Variants in RP1 observed in about 807,000 individuals in gnomAD.
The protein encoded by RP1 is RP1 axonemal microtubule associated.
A neutral mutation model predicts 14.8 loss-of-function variants in RP1; 16 were observed. The ratio of observed to expected loss-of-function variants is 1.08; its 90% CI spans 0.73 to 1.65. The LOEUF is 1.65. Among genes scored for constraint, RP1 ranks in the 40% most tolerant of loss-of-function variants. RP1 has a pLI of 0.00. For synonymous variants in RP1, 876 were observed against 883.6 expected, an observed-to-expected ratio of 0.99 and a Z score of 0.15; for missense variants, 2,631 against 2,535.0, an observed-to-expected ratio of 1.04 and a Z score of -0.81.
intron 16 of RP1, among the ~76,000 whole-genome samples, chr8:54,725,419 T>C (rs1808630686): frequency 6.6e-6 from 1 of 152,166 alleles, no homozygotes; most frequent in East Asian, 1.9e-4. Context: ...TGAAATGATA[T>C]CTTATAACAC....
In RP1 at chr8:54,776,771, C is replaced by T. The variant is rs554738032; in HGVS notation, c.3451+6604C>T. On this transcript the variant is annotated intron_variant, in intron 23 of 28. Transcript: ENST00000637698. ...CAGGTTGAAAATGATCACAGGGAAC[C>T]TAGGGCACCTGGAAAGAATTTGATA... 5.1e-4 allele frequency among the ~76,000 whole-genome samples: 78 copies of T among 152,250 alleles called. 3 individuals are homozygous for T. In the South Asian group the frequency reaches 0.016, roughly 31 times the overall value.
In RP1 at chr8:54,629,484, A is replaced by G. The variant is rs1806186571; in HGVS notation, c.5602A>G (p.Thr1868Ala). 1 of 1,613,994 alleles carries G rather than the reference A, an allele frequency of 6.2e-7. No individual in the cohort carries two copies. Among genetic ancestry groups the G allele is most frequent in the African/African-American group, 1.3e-5 (1 of 74,908 alleles). Residue 1868 changes from threonine to alanine, a missense_variant, in exon 4 of 4, where the codon ACT (threonine) becomes GCT (alanine). Transcript: ENST00000220676. ...GTCAGAAAGAGTATGCACATCTGTC[A>G]CTCATTCCTTTATTTCTGCTGGTAA... is the stretch of plus-strand genomic sequence containing the variant. ...HQSERVCTSV[T>A]HSFISAGNKV...
chr8:54,676,662 T>C (rs1269720531), intron 8 of RP1, among the ~76,000 whole-genome samples: 2 of 152,214 alleles, frequency 1.3e-5, no homozygotes, highest in African/African-American at 4.8e-5. Flanking sequence ...GAACCCATCT[T>C]TTCTAGTTTT....
At chr8:54,748,384 T>A (rs1809279579) in intron 19 of RP1, among the ~76,000 whole-genome samples, 1 of 152,194 alleles carries the variant, frequency 6.6e-6, no homozygotes, top group Non-Finnish European at 1.5e-5. Flanking sequence ...AGGCAAATGT[T>A]TAATCTCAAA....
chr8:54,783,044 T>C (rs1461930093), intron 23 of RP1, among the ~76,000 whole-genome samples: 1 of 152,178 alleles, frequency 6.6e-6, no homozygotes, highest in Non-Finnish European at 1.5e-5. Flanking sequence ...TCCAGCAATT[T>C]TTCATGAGAA....
intron 12 of RP1, among the ~76,000 whole-genome samples, chr8:54,680,363 A>T (rs1031417519): frequency 1.3e-5 from 2 of 152,202 alleles, no homozygotes; most frequent in Non-Finnish European, 2.9e-5. Flanking sequence ...ACTAGATTTG[A>T]TGTGTAATAT....
At position 54,629,107 on chromosome 8, in the gene RP1, A is replaced by T. The variant is rs1563332977; in HGVS notation, c.5225A>T (p.Asp1742Val). Residue 1742 changes from aspartate (D) to valine (V), a missense_variant, in exon 4 of 4, where the codon GAC (aspartate) becomes GTC (valine). Asp to Val is a radical substitution (Grantham distance 152). Transcript: ENST00000220676. ...LTDIEEGVLIDKGKWLLKENH... is the reference protein window; with the variant it reads ...LTDIEEGVLIVKGKWLLKENH... The stretch of plus-strand genomic sequence containing the variant: ...GACATAGAGGAAGGAGTACTGATTG[A>T]CAAAGGCAAATGGCTTCTGAAAGAA... The T allele has an allele frequency of 6.2e-7, 1 of 1,614,176 alleles. No individual in the cohort carries two copies.
chr8:54,568,198 T>C (rs1212543300), intron 1 of RP1, among the ~76,000 whole-genome samples: 2 of 152,132 alleles, frequency 1.3e-5, no homozygotes, highest in Non-Finnish European at 2.9e-5. Context: ...AGGTACCACA[T>C]AACACTACTG....
chr8:54,840,889 C>CAGCTA (rs1238667760), intron 25 of RP1, among the ~76,000 whole-genome samples: 1 of 152,164 alleles, frequency 6.6e-6, no homozygotes, highest in Non-Finnish European at 1.5e-5. Context: ...ATGATACTTA[C>CAGCTA]AGCTAATCTG....
intron 27 of RP1, among the ~76,000 whole-genome samples, chr8:54,862,367 ATAG>A (rs1812361161): frequency 6.6e-6 from 1 of 152,194 alleles, no homozygotes; most frequent in Non-Finnish European, 1.5e-5. Context: ...TTGGTATAAA[ATAG>A]TATTCTCTTT....
intron 22 of RP1, among the ~76,000 whole-genome samples, chr8:54,761,484 G>A (rs147308979): frequency 2.6e-5 from 4 of 151,914 alleles, no homozygotes; most frequent in South Asian, 2.1e-4. Context: ...CAATCCGCTC[G>A]CCTTAACCTC....
chr8:54,679,382 A>G (rs947566122), intron 9 of RP1: 21 of 1,494,430 alleles, frequency 1.4e-5, no homozygotes, highest in East Asian at 9.8e-5. Flanking sequence ...ATGTAAATAT[A>G]AAGTCTGAAA....
At chr8:54,752,840 C>G (rs1809409552) in intron 19 of RP1, among the ~76,000 whole-genome samples, 1 of 152,210 alleles carries the variant, frequency 6.6e-6, no homozygotes. Flanking sequence ...CACACAGACA[C>G]TGGCCTCTGT....
intron 7 of RP1, among the ~76,000 whole-genome samples, chr8:54,671,287 G>A (rs1241245149): frequency 1.3e-5 from 2 of 152,050 alleles, no homozygotes; most frequent in Non-Finnish European, 1.5e-5. Flanking sequence ...TCACCAGTTT[G>A]ATTATAATGT....
chr8:54,780,841 C>T, intron 23 of RP1: 1 of 780,486 alleles, frequency 1.3e-6, no homozygotes, highest in Non-Finnish European at 1.6e-6. Context: ...CAACTGTAGG[C>T]TGAAGTTCGG....
At chr8:54,664,707 T>A (rs1806977374) in intron 7 of RP1, among the ~76,000 whole-genome samples, 1 of 152,160 alleles carries the variant, frequency 6.6e-6, no homozygotes, top group Non-Finnish European at 1.5e-5. Context: ...TTTGTTCAAG[T>A]CCTTTGCCCA....
At chr8:54,643,066 A>C (rs1806481510) in intron 3 of RP1, among the ~76,000 whole-genome samples, 1 of 151,564 alleles carries the variant, frequency 6.6e-6, no homozygotes, top group South Asian at 2.1e-4. Context: ...TGTTTTGTTT[A>C]GTTTTGTTTT....
At chr8:54,767,703 G>T (rs1809794518) in intron 22 of RP1, among the ~76,000 whole-genome samples, 1 of 152,004 alleles carries the variant, frequency 6.6e-6, no homozygotes, top group Admixed American at 6.6e-5. Context: ...TCTTTATTCT[G>T]GCATGTAAAG....
chr8:54,775,488 G>T (rs1167451100), intron 23 of RP1, among the ~76,000 whole-genome samples: 1 of 152,180 alleles, frequency 6.6e-6, no homozygotes, highest in Non-Finnish European at 1.5e-5. Flanking sequence ...AGAGAAGTCT[G>T]CATGGAAAGG....
Sources: allele counts gnomAD v4.1 joint callset (sites outside exome capture counted in the v4.1 genomes callset), GRCh38; gene constraint gnomAD v4.1.1; transcripts MANE v1.5; gene names NCBI Gene and HGNC (gene_info 2026-07-23, HGNC 2026-07-21).